The following RALGPS1 variants were observed in gnomAD, a reference collection of about 807,000 sequenced individuals.
RALGPS1 encodes the protein ras-specific guanine nucleotide-releasing factor RalGPS1.
RALGPS1 carries 19 observed loss-of-function variants against 78.8 expected under a neutral mutation model. The observed-to-expected ratio is 0.24, with a 90% CI of 0.17 to 0.35. The LOEUF (loss-of-function observed/expected upper bound fraction) is 0.35, where lower values mean the gene tolerates loss of function less well. Among genes scored for constraint, RALGPS1 ranks in the 10% least tolerant of loss-of-function variants. The probability of loss-of-function intolerance (pLI) is 1.00; values close to 1 mark genes in which losing one functional copy is unlikely to be tolerated. For missense variants in RALGPS1, 454 were observed against 688.3 expected, an observed-to-expected ratio of 0.66 and a Z score of 3.81; for synonymous variants, 228 against 256.3, an observed-to-expected ratio of 0.89 and a Z score of 1.06.
intron 8 of RALGPS1, among the ~76,000 whole-genome samples, chr9:127,147,821 G>A (rs1427280402): frequency 6.6e-6 from 1 of 152,218 alleles, no homozygotes; most frequent in Non-Finnish European, 1.5e-5. Flanking sequence ...TTAGTCACTG[G>A]TGGTGGTGTT....
chr9:126,925,471 C>G (rs953364074), intron 1 of RALGPS1, among the ~76,000 whole-genome samples: 4 of 151,920 alleles, frequency 2.6e-5, no homozygotes, highest in African/African-American at 9.7e-5. Context: ...TCACTGGAAC[C>G]TGGGGGGCAG....
At chr9:127,157,530 A>G (rs779879016) in intron 8 of RALGPS1, among the ~76,000 whole-genome samples, 13 of 152,046 alleles carry the variant, frequency 8.6e-5, no homozygotes, top group African/African-American at 1.2e-4. Flanking sequence ...TTATTTTTCT[A>G]TCAAATATGT....
chr9:126,968,002 C>CTTTT (rs745689127), intron 3 of RALGPS1, among the ~76,000 whole-genome samples: 5 of 130,638 alleles, frequency 3.8e-5, no homozygotes, highest in African/African-American at 5.5e-5. Context: ...GAGTTCAATT[C>CTTTT]TTTTTTTTTT....
chr9:126,965,639 A>T (rs2039409375), intron 2 of RALGPS1, among the ~76,000 whole-genome samples: 1 of 152,230 alleles, frequency 6.6e-6, no homozygotes, highest in East Asian at 1.9e-4. Context: ...ATTTGTACTC[A>T]TAGGGCACAT....
intron 1 of RALGPS1, among the ~76,000 whole-genome samples, chr9:126,960,532 C>T (rs1240020142): frequency 6.6e-6 from 1 of 152,050 alleles, no homozygotes; most frequent in Non-Finnish European, 1.5e-5. Flanking sequence ...CTGTGCCTGG[C>T]CACCCCTGTT....
At chr9:127,154,831 C>T (rs941077926) in intron 8 of RALGPS1, among the ~76,000 whole-genome samples, 8 of 152,154 alleles carry the variant, frequency 5.3e-5, no homozygotes, top group African/African-American at 4.8e-5. Flanking sequence ...ACTCTCTGGC[C>T]GGGATCCTGG....
chr9:127,083,288 C>T (rs1191874040), intron 8 of RALGPS1, among the ~76,000 whole-genome samples: 1 of 152,234 alleles, frequency 6.6e-6, no homozygotes, highest in Non-Finnish European at 1.5e-5. Flanking sequence ...GGGGTGGATA[C>T]CCAGCCTGAA....
chr9:126,996,793 G>A (rs2042808643), intron 4 of RALGPS1, among the ~76,000 whole-genome samples: 1 of 152,134 alleles, frequency 6.6e-6, no homozygotes, highest in African/African-American at 2.4e-5. Flanking sequence ...ATAAAATACT[G>A]GCAAACCAAA....
rs562584991 is a variant in RALGPS1 at position 127,134,013 on chromosome 9, C to CT, written c.611-32056_611-32055insT. Among the ~76,000 whole-genome samples the CT allele has an allele frequency of 2.0e-3, 302 of 151,654 alleles. 1 individual carries two copies. Among genetic ancestry groups the CT allele is most frequent in the African/African-American group, 6.8e-3 (278 of 41,156 alleles). On this transcript the variant is annotated intron_variant, in intron 8 of 18. Transcript: ENST00000259351. Reference sequence around the variant, plus strand: ...AAATGCTCTTGTCCTCGCTCCCCCCCCCGTGAATGCTGTGATTCAGCACAC... The same window carrying CT: ...AAATGCTCTTGTCCTCGCTCCCCCCCTCCGTGAATGCTGTGATTCAGCACAC...
Position 127,219,016 on chromosome 9 carries a change from CCA to C in RALGPS1, c.*251_*252del, listed in dbSNP as rs1318174976. On this transcript the variant is annotated 3_prime_UTR_variant, in exon 19 of 19. Transcript: ENST00000259351. This position sits in a 1 kb window ranked among gnomAD's most constrained non-coding sequence, Gnocchi z 5.0. ...CGCCTCTTGGGGCAGTGGTCAGACC[CCA>C]CACGCCCTCTCTGGGCCCACCACCT... is the stretch of plus-strand genomic sequence containing the variant. The C allele has an allele frequency of 5.3e-6, 3 of 562,326 alleles. No individual in the cohort carries two copies. The highest frequency in any genetic ancestry group is 9.6e-6 in the Non-Finnish European group (3 of 312,556). The allele number at this position is 562,326 out of a possible 1,614,324, so 34.8% of individuals were successfully genotyped here.
At chr9:126,959,807 C>T (rs1478169402) in intron 1 of RALGPS1, among the ~76,000 whole-genome samples, 1 of 152,162 alleles carries the variant, frequency 6.6e-6, no homozygotes, top group East Asian at 1.9e-4. Context: ...ACACACCTCA[C>T]TAAGGATAAA....
chr9:126,931,368 C>T (rs2035773445), intron 1 of RALGPS1, among the ~76,000 whole-genome samples: 1 of 152,070 alleles, frequency 6.6e-6, no homozygotes, highest in African/African-American at 2.4e-5. Context: ...GGAAACAACC[C>T]AAATATCTAC....
At chr9:127,180,396 G>A (rs1489094454) in intron 11 of RALGPS1, among the ~76,000 whole-genome samples, 1 of 152,230 alleles carries the variant, frequency 6.6e-6, no homozygotes, top group African/African-American at 2.4e-5. Context: ...TCTCCCTGTT[G>A]TATTGCCTGG....
intron 4 of RALGPS1, chr9:126,989,994 A>G (rs117781526): frequency 9.9e-5 from 153 of 1,550,482 alleles, no homozygotes; most frequent in Admixed American, 8.6e-4. Flanking sequence ...CTGTGGGTCC[A>G]GGAACCTGAC....
At chr9:126,966,711 A>G (rs1275921684) in intron 3 of RALGPS1, among the ~76,000 whole-genome samples, 2 of 152,018 alleles carry the variant, frequency 1.3e-5, no homozygotes, top group East Asian at 3.9e-4. Context: ...GTTTATGTAT[A>G]CTTTCTATAT....
Position 126,917,753 on chromosome 9 carries a change from A to G in RALGPS1, c.-66+2778A>G, listed in dbSNP as rs762886680. 4.6e-5 allele frequency among the ~76,000 whole-genome samples: 7 copies of G among 152,326 alleles called. No homozygotes were observed. The East Asian group carries it at 1.2e-3, about 25-fold the overall frequency. On this transcript the variant is annotated intron_variant, in intron 1 of 18. Coordinates refer to ENST00000259351, the MANE Select transcript of RALGPS1 (RefSeq NM_014636.3). ...CAAGCTACTCAGAACAGCATGTAAC[A>G]TGCAAGGAGAGCAGGACAGGGAATT...
At chr9:127,154,100 G>A (rs1302909850) in intron 8 of RALGPS1, among the ~76,000 whole-genome samples, 1 of 152,224 alleles carries the variant, frequency 6.6e-6, no homozygotes. Context: ...ACTAACAAGA[G>A]CACTGGCTAT....
chr9:126,957,781 T>G (rs1206351111), intron 1 of RALGPS1, among the ~76,000 whole-genome samples: 1 of 152,072 alleles, frequency 6.6e-6, no homozygotes, highest in East Asian at 1.9e-4. Flanking sequence ...CCAGGGGCTG[T>G]TTCCCTCCTC....
intron 8 of RALGPS1, among the ~76,000 whole-genome samples, chr9:127,117,276 G>GT (rs927816701): frequency 1.5e-4 from 23 of 152,166 alleles, no homozygotes; most frequent in African/African-American, 5.1e-4. Flanking sequence ...TCAGATTGCA[G>GT]TCATCTGGTT....
Sources: allele counts gnomAD v4.1 joint callset (sites outside exome capture counted in the v4.1 genomes callset), GRCh38; gene constraint gnomAD v4.1.1; non-coding constraint Gnocchi (gnomAD v3.1); transcripts MANE v1.5; gene names NCBI Gene and HGNC (gene_info 2026-07-23, HGNC 2026-07-21).